Variants in PFKFB3 observed in about 807,000 individuals in gnomAD.
The protein encoded by PFKFB3 is 6-phosphofructo-2-kinase/fructose-2,6-bisphosphatase 3.
In PFKFB3, 33 loss-of-function variants were observed where a neutral mutation model predicts 68.0. The ratio of observed to expected loss-of-function variants is 0.49; its 90% CI spans 0.37 to 0.65. The LOEUF (loss-of-function observed/expected upper bound fraction) is 0.65. Ranked by LOEUF, PFKFB3 falls within the 30% of genes least tolerant of loss-of-function variation. PFKFB3 has a pLI of 0.00. For synonymous variants in PFKFB3, 315 were observed against 288.2 expected, an observed-to-expected ratio of 1.09 and a Z score of -0.94; for missense variants, 586 against 712.2, an observed-to-expected ratio of 0.82 and a Z score of 2.02.
chr10:6,169,629 G>A (rs77262228), intron 1 of PFKFB3, among the ~76,000 whole-genome samples: 3,534 of 152,228 alleles, frequency 0.023, 56 homozygotes, highest in South Asian at 0.04. Flanking sequence ...GGAAGAGTGC[G>A]TCCAGTACTG....
intron 1 of PFKFB3, among the ~76,000 whole-genome samples, chr10:6,206,573 GGC>G (rs1344924648): frequency 1.7e-5 from 1 of 58,280 alleles, no homozygotes; most frequent in Admixed American, 2.2e-4. Context: ...CGGCTGGCCG[GGC>G]AGGGGCTGAC....
At chr10:6,155,407 T>C (rs936642031) in intron 1 of PFKFB3, among the ~76,000 whole-genome samples, 7 of 152,012 alleles carry the variant, frequency 4.6e-5, no homozygotes, top group Admixed American at 1.3e-4. Flanking sequence ...GGTTTCACCA[T>C]GTTAGCCAGG....
upstream of PFKFB3, among the ~76,000 whole-genome samples, chr10:6,198,703 G>A (rs1463567199): frequency 1.3e-5 from 2 of 152,154 alleles, no homozygotes; most frequent in East Asian, 1.9e-4. Flanking sequence ...GGCTGGTCTC[G>A]AACTCCTGAC....
chr10:6,232,082 T>TAAAG (rs887624936), intron 14 of PFKFB3, among the ~76,000 whole-genome samples: 1 of 152,068 alleles, frequency 6.6e-6, no homozygotes, highest in Non-Finnish European at 1.5e-5. Context: ...CCACCCTCTT[T>TAAAG]AGAGCAGTCC....
Position 6,234,253 on chromosome 10 carries a change from C to T in PFKFB3, c.*1311C>T, listed in dbSNP as rs1845905357. On this transcript the variant is annotated 3_prime_UTR_variant, in exon 15 of 15. Coordinates refer to ENST00000379775, the MANE Select transcript of PFKFB3 (RefSeq NM_004566.4). ...TTTCAGGATGTCTCAAAGCTTGTGC[C>T]AAAGGTCACTTTTCTTTCCTGCCTT... 6.6e-6 allele frequency: 1 copy of T among 152,290 alleles called. No individual in the cohort carries two copies. Among genetic ancestry groups the T allele is most frequent in the Non-Finnish European group, 1.5e-5 (1 of 68,024 alleles). The allele number at this position is 152,290 out of a possible 1,614,324, so 9.4% of individuals were successfully genotyped here. A position where few individuals can be genotyped will look rare whatever the true frequency, so the allele number is the denominator to read the frequency against.
chr10:6,191,736 A>G (rs1843027744), intron 1 of PFKFB3, among the ~76,000 whole-genome samples: 2 of 152,158 alleles, frequency 1.3e-5, no homozygotes, highest in South Asian at 4.1e-4. Flanking sequence ...CACTGTACAG[A>G]GAAGGCATCT....
chr10:6,298,592 C>T, the PFKFB3 span, among the ~76,000 whole-genome samples: 2 of 152,088 alleles, frequency 1.3e-5, no homozygotes, highest in African/African-American at 4.8e-5. Context: ...TGTTGAACTT[C>T]TGGCCTCAAG....
chr10:6,178,425 T>C (rs674399), intron 1 of PFKFB3, among the ~76,000 whole-genome samples: 148,802 of 152,270 alleles, frequency 0.98, 72,784 homozygotes, highest in Middle Eastern at 1. Context: ...GCGGCTGATA[T>C]GGGCTTAGGG....
the PFKFB3 span, among the ~76,000 whole-genome samples, chr10:6,326,079 C>T: frequency 3.3e-5 from 5 of 152,180 alleles, no homozygotes; most frequent in Non-Finnish European, 7.3e-5. Flanking sequence ...CATCTCAAGA[C>T]ATCTGAAAAA....
chr10:6,231,388 C>T (rs561323649), intron 14 of PFKFB3: 42 of 1,603,256 alleles, frequency 2.6e-5, no homozygotes, highest in Non-Finnish European at 3.3e-5. Context: ...GACTGGCCAT[C>T]GTGCAATGCG....
the PFKFB3 span, among the ~76,000 whole-genome samples, chr10:6,266,714 C>G: frequency 6.6e-6 from 1 of 152,212 alleles, no homozygotes; most frequent in Non-Finnish European, 1.5e-5. Context: ...CCAGGACTGT[C>G]CACATATTTT....
Position 6,232,875 on chromosome 10 carries a change from C to G in PFKFB3, c.1516-20C>G, listed in dbSNP as rs1845830263. ...ACAAATCCTAACTCCCTCCCCACCTCTCTTTTCTCCTGAAAACAGAACATG... is the reference window on the plus strand; with the variant it reads ...ACAAATCCTAACTCCCTCCCCACCTGTCTTTTCTCCTGAAAACAGAACATG... On this transcript the variant is annotated intron_variant, in intron 14 of 14. Coordinates refer to ENST00000379775, the MANE Select transcript of PFKFB3 (RefSeq NM_004566.4). 6.2e-7 allele frequency: 1 copy of G among 1,608,964 alleles called. No individual in the cohort carries two copies. Among genetic ancestry groups the G allele is most frequent in the South Asian group, 1.1e-5 (1 of 90,970 alleles).
the PFKFB3 span, among the ~76,000 whole-genome samples, chr10:6,305,893 T>G: frequency 6.6e-6 from 1 of 152,238 alleles, no homozygotes; most frequent in Non-Finnish European, 1.5e-5. Context: ...GAAATCTGCC[T>G]GGAACCTGGT....
chr10:6,223,844 T>C, intron 11 of PFKFB3, 114 bp from the exon 12 acceptor site: 2 of 860,778 alleles, frequency 2.3e-6, no homozygotes, highest in Admixed American at 3.5e-5. Flanking sequence ...CTTGAACTCC[T>C]GACCTCAGGT....
chr10:6,214,097 G>A (rs534507130), intron 2 of PFKFB3, among the ~76,000 whole-genome samples: 53 of 152,258 alleles, frequency 3.5e-4, no homozygotes, highest in African/African-American at 1.2e-3. Flanking sequence ...ACTGCCTACC[G>A]TAGATCAAGG....
At chr10:6,195,085 T>C (rs1843141201) in intron 1 of PFKFB3, among the ~76,000 whole-genome samples, 1 of 152,160 alleles carries the variant, frequency 6.6e-6, no homozygotes, top group African/African-American at 2.4e-5. Context: ...TTGGTCAGTC[T>C]GGTCTTGAAC....
chr10:6,250,588 A>T (rs1291118265), intron 14 of PFKFB3, among the ~76,000 whole-genome samples: 1 of 143,864 alleles, frequency 7.0e-6, no homozygotes, highest in Non-Finnish European at 1.5e-5. Context: ...AAAAAAAAAG[A>T]GGTGGGGTCT....
chr10:6,236,928 G>A (rs1345052016), downstream of PFKFB3, among the ~76,000 whole-genome samples: 1 of 152,146 alleles, frequency 6.6e-6, no homozygotes, highest in Non-Finnish European at 1.5e-5. Context: ...GGGGAGAGGA[G>A]GGCTGGGGCC....
intron 1 of PFKFB3, among the ~76,000 whole-genome samples, chr10:6,188,920 C>T (rs1319922457): frequency 4.0e-5 from 6 of 150,538 alleles, no homozygotes; most frequent in Admixed American, 1.3e-4. Context: ...CTGCAAGCTC[C>T]GCCTCCCAGG....
Sources: allele counts gnomAD v4.1 joint callset (sites outside exome capture counted in the v4.1 genomes callset), GRCh38; gene constraint gnomAD v4.1.1; transcripts MANE v1.5; gene names NCBI Gene and HGNC (gene_info 2026-07-23, HGNC 2026-07-21).